The following SAMD3 variants were observed in gnomAD, a reference collection of about 807,000 sequenced individuals.
SAMD3 encodes the protein sterile alpha motif domain-containing protein 3.
A neutral mutation model predicts 58.5 loss-of-function variants in SAMD3; 63 were observed. The ratio of observed to expected loss-of-function variants is 1.08; its 90% CI spans 0.88 to 1.33. The LOEUF (loss-of-function observed/expected upper bound fraction) is 1.33. Ranked by LOEUF, SAMD3 falls within the 40% of genes most tolerant of loss-of-function variation. SAMD3 has a pLI of 0.00. For missense variants in SAMD3, 604 were observed against 608.4 expected (o/e 0.99, Z 0.08); for synonymous variants, 220 against 210.3 (o/e 1.05, Z -0.40).
intron 5 of SAMD3, among the ~76,000 whole-genome samples, chr6:130,189,266 G>T (rs890249207): frequency 1.3e-5 from 2 of 152,110 alleles, no homozygotes; most frequent in Non-Finnish European, 2.9e-5. Context: ...TCATAAGGTT[G>T]GGCCCTGAGA....
chr6:130,215,846 A>C, intron 2 of SAMD3: 2 of 1,534,664 alleles, frequency 1.3e-6, no homozygotes, highest in Non-Finnish European at 1.7e-6. Flanking sequence ...GCTGCTTCTC[A>C]TTGTTTTCCG....
intron 2 of SAMD3, among the ~76,000 whole-genome samples, chr6:130,241,070 AG>A (rs1773338080): frequency 6.6e-6 from 1 of 152,112 alleles, no homozygotes; most frequent in Non-Finnish European, 1.5e-5. Flanking sequence ...TGGCCAAAGG[AG>A]GCAACAAGAC....
chr6:130,339,258 A>G (rs996165968), intron 1 of SAMD3, among the ~76,000 whole-genome samples: 1 of 152,138 alleles, frequency 6.6e-6, no homozygotes, highest in African/African-American at 2.4e-5. Flanking sequence ...TGTGTTAGCC[A>G]GGATGGTCTC....
intron 8 of SAMD3, chr6:130,160,390 G>A (rs1790182864): frequency 6.6e-6 from 1 of 152,152 alleles, no homozygotes. Flanking sequence ...CCAACATATA[G>A]TTTTCATATC....
intron 2 of SAMD3, among the ~76,000 whole-genome samples, chr6:130,268,500 C>CCACT (rs1000116476): frequency 5.9e-5 from 9 of 152,140 alleles, no homozygotes; most frequent in African/African-American, 2.2e-4. Flanking sequence ...TATTCACTCA[C>CCACT]CACTCACTCA....
intron 1 of SAMD3, among the ~76,000 whole-genome samples, chr6:130,349,510 A>G (rs1184652522): frequency 3.3e-5 from 5 of 152,106 alleles, no homozygotes; most frequent in Non-Finnish European, 7.4e-5. Context: ...CCCTCCCAAG[A>G]CTAAACCGGG....
At position 130,218,266 on chromosome 6, in the gene SAMD3, G is replaced by A. The variant is rs1399770686; in HGVS notation, c.-67-1650C>T. On this transcript the variant is annotated intron_variant, in intron 1 of 11. Transcript: ENST00000439090. ...TCTCGCCTCACAGATTGAATTCCAAGTTCCCACACCAGAATAAGAAGGGCC... is the reference window on the plus strand; with the variant it reads ...TCTCGCCTCACAGATTGAATTCCAAATTCCCACACCAGAATAAGAAGGGCC... Among the ~76,000 whole-genome samples the A allele has an allele frequency of 2.6e-5, 4 of 152,198 alleles. No homozygotes were observed. In the East Asian group the frequency reaches 7.7e-4, roughly 29 times the overall value.
chr6:130,194,208 T>C (rs1420867312), intron 5 of SAMD3, among the ~76,000 whole-genome samples: 1 of 152,190 alleles, frequency 6.6e-6, no homozygotes, highest in Non-Finnish European at 1.5e-5. Context: ...TTAATGCTCC[T>C]TTTTCTTTAT....
At position 130,214,763 on chromosome 6, in the gene SAMD3, A is replaced by G. The variant is rs541865662; in HGVS notation, c.80-237T>C. Among the ~76,000 whole-genome samples the G allele has an allele frequency of 2.0e-5, 3 of 152,274 alleles. No homozygotes were observed. In the East Asian group the frequency reaches 5.8e-4, roughly 29 times the overall value. ...CACAATAAAAACTTATTATTTCTAC[A>G]TTAACACCCTTCTCATTCTAATTCT... On this transcript the variant is annotated intron_variant, in intron 3 of 11. Transcript: ENST00000439090.
At chr6:130,206,389 A>T in intron 5 of SAMD3, among the ~76,000 whole-genome samples, 1 of 152,218 alleles carries the variant, frequency 6.6e-6, no homozygotes. Context: ...AATGAGGCCA[A>T]CTAGACAGGG....
At chr6:130,174,561 T>G (rs1387418702) in intron 8 of SAMD3, among the ~76,000 whole-genome samples, 1 of 152,220 alleles carries the variant, frequency 6.6e-6, no homozygotes, top group Non-Finnish European at 1.5e-5. Flanking sequence ...ACCCACCTTC[T>G]GCATTGGTCT....
At chr6:130,256,256 G>C (rs1773924025) in intron 2 of SAMD3, among the ~76,000 whole-genome samples, 1 of 151,762 alleles carries the variant, frequency 6.6e-6, no homozygotes, top group Non-Finnish European at 1.5e-5. Context: ...GCACAAGTTA[G>C]ATATGAGATC....
chr6:130,345,392 A>G (rs553417031), intron 1 of SAMD3, among the ~76,000 whole-genome samples: 67 of 152,166 alleles, frequency 4.4e-4, no homozygotes, highest in African/African-American at 1.5e-3. Flanking sequence ...TGTGTAGACA[A>G]CTCAGCTCCT....
intron 2 of SAMD3, among the ~76,000 whole-genome samples, chr6:130,262,872 A>G (rs1376886173): frequency 6.6e-6 from 1 of 152,190 alleles, no homozygotes; most frequent in African/African-American, 2.4e-5. Context: ...AAAGTTAAAG[A>G]GGTATCATCC....
At chr6:130,283,300 G>A (rs1345937216) in intron 2 of SAMD3, among the ~76,000 whole-genome samples, 7 of 152,164 alleles carry the variant, frequency 4.6e-5, no homozygotes, top group African/African-American at 1.7e-4. Context: ...AGTTGTAGAA[G>A]GTGGTGTTTG....
At chr6:130,143,448 T>TA (rs1180789120), downstream of SAMD3, among the ~76,000 whole-genome samples, 1 of 152,154 alleles carries the variant, frequency 6.6e-6, no homozygotes, top group Non-Finnish European at 1.5e-5. Context: ...TTCACATTAT[T>TA]AGCCAGGCTG....
chr6:130,176,971 C>G (rs1791786115), intron 7 of SAMD3, among the ~76,000 whole-genome samples: 1 of 152,096 alleles, frequency 6.6e-6, no homozygotes, highest in Non-Finnish European at 1.5e-5. Context: ...CATTAAGGAA[C>G]CTCAATGTAA....
intron 1 of SAMD3, among the ~76,000 whole-genome samples, chr6:130,220,948 G>T (rs1376676906): frequency 6.6e-6 from 1 of 152,092 alleles, no homozygotes; most frequent in African/African-American, 2.4e-5. Context: ...CCGCCTCCCG[G>T]GTTCATGCCA....
At chr6:130,220,285 C>T (rs991534838) in intron 1 of SAMD3, among the ~76,000 whole-genome samples, 2 of 152,152 alleles carry the variant, frequency 1.3e-5, no homozygotes, top group Non-Finnish European at 2.9e-5. Context: ...CAGGTGTGAG[C>T]CACTAGCCTG....
Sources: allele counts gnomAD v4.1 joint callset (sites outside exome capture counted in the v4.1 genomes callset), GRCh38; gene constraint gnomAD v4.1.1; transcripts MANE v1.5; gene names NCBI Gene and HGNC (gene_info 2026-07-23, HGNC 2026-07-21).